The following LHPP variants were observed in gnomAD, a reference collection of about 807,000 sequenced individuals.
The protein encoded by LHPP is hLHPP.
LHPP carries 24 observed loss-of-function variants against 30.3 expected under a neutral mutation model. The ratio of observed to expected loss-of-function variants is 0.79; its 90% CI spans 0.57 to 1.11. The LOEUF is 1.11. Ranked by LOEUF, LHPP falls within the 50% of genes most tolerant of loss-of-function variation. The probability of loss-of-function intolerance (pLI) is 0.00; values close to 1 mark genes in which losing one functional copy is unlikely to be tolerated. For missense variants in LHPP, 356 were observed against 367.2 expected (o/e 0.97, Z 0.25); for synonymous variants, 150 against 157.1 (o/e 0.95, Z 0.34).
chr10:124,567,276 G>C (rs1056706822), intron 6 of LHPP, among the ~76,000 whole-genome samples: 1 of 152,252 alleles, frequency 6.6e-6, no homozygotes, highest in Non-Finnish European at 1.5e-5. Flanking sequence ...GGCCTGGGCA[G>C]AGCAAACTGA....
chr10:124,517,030 C>T lies in LHPP; in HGVS notation c.625-150C>T. The T allele has an allele frequency of 1.8e-6, 1 of 566,628 alleles. No homozygotes were observed. The highest frequency in any genetic ancestry group is 3.8e-4 in the Middle Eastern group (1 of 2,666). 35.1% of individuals were successfully genotyped at this position (566,628 alleles called of 1,614,324 possible). A position where few individuals can be genotyped will look rare whatever the true frequency, so the allele number is the denominator to read the frequency against. On this transcript the variant is annotated intron_variant, in intron 5 of 6. Transcript: ENST00000368842. The surrounding 1 kb of genome is among the most constrained non-coding windows in gnomAD (Gnocchi z 4.1). ...TATTCAAGGTGGGTTGACTTTTAAT[C>T]AATACGATGACAATATTATCTTGTT...
chr10:124,556,642 T>C (rs923544669), intron 6 of LHPP, among the ~76,000 whole-genome samples: 5 of 152,230 alleles, frequency 3.3e-5, no homozygotes, highest in African/African-American at 1.2e-4. Context: ...CCATCTGCAC[T>C]GTGGATAATT....
chr10:124,595,605 G>T (rs990010488), intron 6 of LHPP, among the ~76,000 whole-genome samples: 1 of 152,126 alleles, frequency 6.6e-6, no homozygotes, highest in Non-Finnish European at 1.5e-5. Context: ...AAGTTTTTTC[G>T]CTCACATTCC....
intron 3 of LHPP, among the ~76,000 whole-genome samples, chr10:124,491,642 G>A (rs1046008333): frequency 6.6e-5 from 10 of 152,140 alleles, no homozygotes; most frequent in Non-Finnish European, 1.0e-4. Flanking sequence ...CCTTAAATGT[G>A]GGCTGGGGAC....
chr10:124,568,488 G>A (rs1948529989), intron 6 of LHPP, among the ~76,000 whole-genome samples: 1 of 152,176 alleles, frequency 6.6e-6, no homozygotes, highest in East Asian at 1.9e-4. Flanking sequence ...TTTCGAGTCT[G>A]GCTGCTTTTG....
At chr10:124,601,765 G>C (rs954945630) in intron 6 of LHPP, among the ~76,000 whole-genome samples, 2 of 152,192 alleles carry the variant, frequency 1.3e-5, no homozygotes, top group Non-Finnish European at 2.9e-5. Context: ...ACCCTTCCCC[G>C]CCAGGCCCCA....
chr10:124,557,531 A>G (rs1486183347), intron 6 of LHPP, among the ~76,000 whole-genome samples: 1 of 152,238 alleles, frequency 6.6e-6, no homozygotes, highest in Non-Finnish European at 1.5e-5. Flanking sequence ...CCAAATCCCC[A>G]TATCCTCAGG....
intron 6 of LHPP, among the ~76,000 whole-genome samples, chr10:124,545,533 C>T (rs566097473): frequency 3.9e-5 from 6 of 152,272 alleles, no homozygotes; most frequent in East Asian, 1.9e-4. Flanking sequence ...GCCTCCTGAG[C>T]GGCAGGACTA....
intron 6 of LHPP, among the ~76,000 whole-genome samples, chr10:124,551,105 C>T (rs56867794): frequency 0.027 from 4,100 of 152,250 alleles, 199 homozygotes; most frequent in African/African-American, 0.094. Flanking sequence ...CCATCACTGG[C>T]ACCTCCACCA....
rs1257320306 is a variant in LHPP, at chr10:124,592,546, A to G, written c.717-20718A>G. ...CTGCCAAGTTCCCGATTTCCCTTCC[A>G]GTCCTCAGTTTCCCCTTCTCTCCGG... On this transcript the variant is annotated intron_variant, in intron 6 of 6. Transcript: ENST00000368842. This position sits in a 1 kb window ranked among gnomAD's most constrained non-coding sequence, Gnocchi z 6.2. Among the ~76,000 whole-genome samples the G allele has an allele frequency of 6.6e-6, 1 of 152,142 alleles. No homozygotes were observed. The highest frequency in any genetic ancestry group is 6.5e-5 in the Admixed American group (1 of 15,286).
chr10:124,542,649 C>T (rs1000984654), intron 6 of LHPP, among the ~76,000 whole-genome samples: 2 of 152,158 alleles, frequency 1.3e-5, no homozygotes, highest in Non-Finnish European at 2.9e-5. Context: ...ACCTTGGTCC[C>T]CATCCCAGCC....
chr10:124,487,414 C>G (rs937889387), intron 2 of LHPP, among the ~76,000 whole-genome samples: 1 of 150,826 alleles, frequency 6.6e-6, no homozygotes, highest in African/African-American at 2.4e-5. Context: ...GAAATCGTAT[C>G]TCATTGTGTA....
chr10:124,485,341 A>G (rs1484255823), intron 2 of LHPP, among the ~76,000 whole-genome samples: 1 of 152,094 alleles, frequency 6.6e-6, no homozygotes, highest in Non-Finnish European at 1.5e-5. Context: ...GGAAGAAGCC[A>G]GCAGGAGAGG....
chr10:124,600,972 T>C (rs1272331878), intron 6 of LHPP, among the ~76,000 whole-genome samples: 1 of 152,146 alleles, frequency 6.6e-6, no homozygotes, highest in Admixed American at 6.5e-5. Context: ...ATGGGTGCTT[T>C]GATGGGGTCC....
chr10:124,558,110 T>C (rs76069826), intron 6 of LHPP, among the ~76,000 whole-genome samples: 3,692 of 152,184 alleles, frequency 0.024, 68 homozygotes, highest in Non-Finnish European at 0.038. Context: ...TGGCTCCGTT[T>C]TCTTGTGCTG....
chr10:124,554,821 T>C lies in LHPP; in HGVS notation c.716+37550T>C, dbSNP rs148179025. Among the ~76,000 whole-genome samples, 3 of 152,340 alleles carry C rather than the reference T, an allele frequency of 2.0e-5. No homozygotes were observed. In the East Asian group the frequency reaches 5.8e-4, roughly 29 times the overall value. ...GGCCTTTCCAAAGACTTTGCAACTCTGGCAGATATTTCTAGACAGAATTAG... is the reference window on the plus strand; with the variant it reads ...GGCCTTTCCAAAGACTTTGCAACTCCGGCAGATATTTCTAGACAGAATTAG... On this transcript the variant is annotated intron_variant, in intron 6 of 6. Coordinates refer to ENST00000368842, the MANE Select transcript of LHPP (RefSeq NM_022126.4).
chr10:124,585,633 A>AG (rs780132920), intron 6 of LHPP, among the ~76,000 whole-genome samples: 212 of 151,836 alleles, frequency 1.4e-3, no homozygotes, highest in Non-Finnish European at 2.3e-3. Flanking sequence ...AAAAAGAAAA[A>AG]GAAAAAAAAG....
intron 6 of LHPP, among the ~76,000 whole-genome samples, chr10:124,525,034 G>T (rs1359421825): frequency 6.6e-6 from 1 of 152,194 alleles, no homozygotes; most frequent in African/African-American, 2.4e-5. Flanking sequence ...TGCAGAGGCG[G>T]CCCCGCCTTG....
At chr10:124,488,642 C>A in intron 3 of LHPP, 67 bp downstream of exon 3, 2 of 1,437,586 alleles carry the variant, frequency 1.4e-6, no homozygotes, top group Non-Finnish European at 9.4e-7. Flanking sequence ...CTCCAACTTG[C>A]GGAATCAGGC....
Sources: allele counts gnomAD v4.1 joint callset (sites outside exome capture counted in the v4.1 genomes callset), GRCh38; gene constraint gnomAD v4.1.1; non-coding constraint Gnocchi (gnomAD v3.1); transcripts MANE v1.5; gene names NCBI Gene and HGNC (gene_info 2026-07-23, HGNC 2026-07-21).